RGS6: variants seen among roughly 807,000 people sequenced by gnomAD.
RGS6 encodes the protein regulator of G protein signaling 6.
A neutral mutation model predicts 78.5 loss-of-function variants in RGS6; 30 were observed. The ratio of observed to expected loss-of-function variants is 0.38; its 90% CI spans 0.29 to 0.52. The LOEUF (loss-of-function observed/expected upper bound fraction) is 0.52, where lower values mean the gene tolerates loss of function less well. Among genes scored for constraint, RGS6 ranks in the 20% least tolerant of loss-of-function variants. RGS6 has a pLI of 0.85. For missense variants in RGS6, 495 were observed against 609.7 expected, an observed-to-expected ratio of 0.81 and a Z score of 1.98; for synonymous variants, 206 against 206.0, an observed-to-expected ratio of 1.00 and a Z score of 0.00.
intron 2 of RGS6, among the ~76,000 whole-genome samples, chr14:72,060,222 G>A (rs2093823128): frequency 6.6e-6 from 1 of 152,008 alleles, no homozygotes; most frequent in Non-Finnish European, 1.5e-5. Flanking sequence ...ATGTTCACAG[G>A]TTTTTATAGA....
chr14:72,106,807 C>T (rs931688172), intron 2 of RGS6, among the ~76,000 whole-genome samples: 1 of 152,144 alleles, frequency 6.6e-6, no homozygotes, highest in African/African-American at 2.4e-5. Context: ...TGGTTGTGTA[C>T]TCATGGTGCA....
intron 3 of RGS6, among the ~76,000 whole-genome samples, chr14:72,358,373 A>G (rs938241430): frequency 9.2e-5 from 14 of 152,224 alleles, no homozygotes; most frequent in Non-Finnish European, 1.3e-4. Context: ...GCACTGTGCA[A>G]CTGGAAAAGC....
chr14:72,006,369 CAA>C (rs760085724), intron 2 of RGS6, among the ~76,000 whole-genome samples: 19 of 152,230 alleles, frequency 1.2e-4, no homozygotes, highest in Non-Finnish European at 1.9e-4. Flanking sequence ...AAGCCCCTGA[CAA>C]ATAGATGATG....
chr14:71,983,419 G>A (rs776715067), intron 2 of RGS6, among the ~76,000 whole-genome samples: 43 of 152,304 alleles, frequency 2.8e-4, no homozygotes, highest in Middle Eastern at 3.4e-3. Context: ...GTTTGCTAAG[G>A]TGCTGTAACA....
intron 2 of RGS6, among the ~76,000 whole-genome samples, chr14:72,336,428 G>A (rs1474237269): frequency 6.6e-6 from 1 of 152,054 alleles, no homozygotes; most frequent in Non-Finnish European, 1.5e-5. Context: ...GCTTACTGGA[G>A]ATCAGACAAT....
intron 2 of RGS6, among the ~76,000 whole-genome samples, chr14:72,328,508 C>G (rs112370088): frequency 6.6e-6 from 1 of 152,182 alleles, no homozygotes; most frequent in Non-Finnish European, 1.5e-5. Context: ...GCCCAAATCA[C>G]TAGATCACCA....
chr14:72,548,001 C>T (rs1183337742), intron 17 of RGS6, among the ~76,000 whole-genome samples: 2 of 152,186 alleles, frequency 1.3e-5, no homozygotes, highest in African/African-American at 2.4e-5. Context: ...TTCCTGCCTC[C>T]CTCCCCCTGC....
chr14:72,252,905 A>T (rs1167215068), intron 2 of RGS6, among the ~76,000 whole-genome samples: 1 of 152,176 alleles, frequency 6.6e-6, no homozygotes, highest in Admixed American at 6.5e-5. Context: ...TGACTCAAAT[A>T]TACTGGGGAC....
intron 17 of RGS6, chr14:72,547,451 T>G: frequency 1.4e-5 from 11 of 793,080 alleles, no homozygotes; most frequent in Non-Finnish European, 2.2e-5. Context: ...CCTTTTAAAA[T>G]AGTGATGAGT....
At chr14:72,336,353 C>T (rs535486915) in intron 2 of RGS6, among the ~76,000 whole-genome samples, 1 of 152,086 alleles carries the variant, frequency 6.6e-6, no homozygotes, top group East Asian at 1.9e-4. Context: ...TCATTCTTAT[C>T]CCCTAACATT....
chr14:72,179,208 T>C (rs1292187068), intron 2 of RGS6, among the ~76,000 whole-genome samples: 5 of 152,196 alleles, frequency 3.3e-5, no homozygotes, highest in African/African-American at 1.2e-4. Context: ...ATTGTGCAAG[T>C]TAATCTCCTT....
At chr14:72,356,418 T>A (rs763137630) in intron 3 of RGS6, among the ~76,000 whole-genome samples, 58 of 152,174 alleles carry the variant, frequency 3.8e-4, no homozygotes, top group Non-Finnish European at 7.6e-4. Context: ...TAATTAACTG[T>A]GAGTCAATTA....
At position 72,514,807 on chromosome 14, in the gene RGS6, G is replaced by A. The variant is rs557493893; in HGVS notation, c.1092-3544G>A. On this transcript the variant is annotated intron_variant, in intron 14 of 17. Coordinates refer to ENST00000553525, the MANE Select transcript of RGS6 (RefSeq NM_001204424.2). ...AGCTGCTGGCATTTCACTCCCTGCCGCTGCCCTTGGGGAGGAGCGGTACCT... is the reference window on the plus strand; with the variant it reads ...AGCTGCTGGCATTTCACTCCCTGCCACTGCCCTTGGGGAGGAGCGGTACCT... 7.2e-5 allele frequency among the ~76,000 whole-genome samples: 11 copies of A among 152,290 alleles called. No homozygotes were observed. In the South Asian group the frequency reaches 1.4e-3, roughly 20 times the overall value.
At chr14:72,608,668 T>C in the RGS6 span, among the ~76,000 whole-genome samples, 1 of 152,170 alleles carries the variant, frequency 6.6e-6, no homozygotes, top group Non-Finnish European at 1.5e-5. Context: ...GCTGCTCTAC[T>C]CCTGCAGATG....
chr14:72,379,474 C>T (rs558093973), intron 3 of RGS6, among the ~76,000 whole-genome samples: 1 of 152,126 alleles, frequency 6.6e-6, no homozygotes, highest in South Asian at 2.1e-4. Context: ...TAAGTGAATT[C>T]AGTAAAGTTG....
intron 2 of RGS6, among the ~76,000 whole-genome samples, chr14:72,052,452 C>G (rs1481593496): frequency 6.6e-6 from 1 of 152,172 alleles, no homozygotes; most frequent in African/African-American, 2.4e-5. Context: ...ACTCAGTGAG[C>G]AGCTTCTCCC....
chr14:72,146,357 A>G (rs912544371), intron 2 of RGS6, among the ~76,000 whole-genome samples: 4 of 152,174 alleles, frequency 2.6e-5, no homozygotes, highest in African/African-American at 7.2e-5. Context: ...TTCAAAATTC[A>G]CATTCTTCTC....
chr14:72,006,850 C>T (rs368353435), intron 2 of RGS6, among the ~76,000 whole-genome samples: 2 of 152,146 alleles, frequency 1.3e-5, no homozygotes, highest in South Asian at 4.1e-4. Flanking sequence ...TTGAACGAGG[C>T]AGCGGGCTGT....
chr14:72,397,601 TGA>T (rs1327439038), intron 3 of RGS6, among the ~76,000 whole-genome samples: 10 of 152,144 alleles, frequency 6.6e-5, no homozygotes, highest in African/African-American at 2.4e-4. Flanking sequence ...ATAGGAGTGG[TGA>T]GAGAGGGCAT....
Sources: allele counts gnomAD v4.1 joint callset (sites outside exome capture counted in the v4.1 genomes callset), GRCh38; gene constraint gnomAD v4.1.1; transcripts MANE v1.5; gene names NCBI Gene and HGNC (gene_info 2026-07-23, HGNC 2026-07-21).